Variants in OSBPL10 observed in about 807,000 individuals in gnomAD.
OSBPL10 encodes the protein oxysterol-binding protein-related protein 10.
In OSBPL10, 49 loss-of-function variants were observed where a neutral mutation model predicts 81.7. That is an observed-to-expected ratio of 0.60 (90% CI 0.48 to 0.76). The LOEUF is 0.76. OSBPL10 is among the 30% of genes least tolerant of loss of function. The pLI is 0.00. For missense variants in OSBPL10, 923 were observed against 987.8 expected, an observed-to-expected ratio of 0.93 and a Z score of 0.88; for synonymous variants, 419 against 383.6, an observed-to-expected ratio of 1.09 and a Z score of -1.08.
At chr3:32,034,708 A>G (rs553373515) in intron 2 of OSBPL10, among the ~76,000 whole-genome samples, 5 of 152,342 alleles carry the variant, frequency 3.3e-5, no homozygotes, top group African/African-American at 9.6e-5. Flanking sequence ...ATAATCAGTG[A>G]GTCAATGTCA....
intron 1 of OSBPL10, among the ~76,000 whole-genome samples, chr3:31,930,235 G>A (rs1697203858): frequency 6.6e-6 from 1 of 151,928 alleles, no homozygotes. Flanking sequence ...GCCCCTTGAT[G>A]TATGAAAACA....
intron 10 of OSBPL10, among the ~76,000 whole-genome samples, chr3:31,665,893 A>T (rs1264492008): frequency 6.6e-6 from 1 of 152,154 alleles, no homozygotes; most frequent in Non-Finnish European, 1.5e-5. Context: ...TGGCCCCAAG[A>T]GTAGAGGGCA....
intron 4 of OSBPL10, among the ~76,000 whole-genome samples, chr3:31,810,090 C>A (rs1340683712): frequency 1.3e-5 from 2 of 151,956 alleles, no homozygotes; most frequent in Non-Finnish European, 2.9e-5. Flanking sequence ...AGGCTGGTCT[C>A]GAACTCCTGA....
intron 1 of OSBPL10, among the ~76,000 whole-genome samples, chr3:32,053,172 G>A (rs1699682360): frequency 6.6e-6 from 1 of 152,124 alleles, no homozygotes; most frequent in South Asian, 2.1e-4. Flanking sequence ...AGTAAAAGTT[G>A]CTAAGAGTTA....
At position 31,683,893 on chromosome 3, in the gene OSBPL10, G is replaced by A; in HGVS notation, c.1467C>T (p.Cys489=). 6.2e-7 allele frequency: 1 copy of A among 1,614,248 alleles called. No individual in the cohort carries two copies. The highest frequency in any genetic ancestry group is 8.5e-7 in the Non-Finnish European group (1 of 1,180,052). ...CCCTGTCCTTGGGAACTTCCCAGGA[G>A]CAGTGAAATGTCTCGCCTATGATGG... is the stretch of plus-strand genomic sequence containing the variant. The part of the protein sequence containing the change: ...YNPIIGETFH[C]SWEVPKDRVK... Residue 489 remains cysteine (C), a synonymous_variant, in exon 8 of 12, where the codon TGC becomes TGT. Coordinates refer to ENST00000396556, the MANE Select transcript of OSBPL10 (RefSeq NM_017784.5).
At chr3:31,679,899 T>A (rs1174178325) in intron 8 of OSBPL10, among the ~76,000 whole-genome samples, 1 of 152,088 alleles carries the variant, frequency 6.6e-6, no homozygotes, top group African/African-American at 2.4e-5. Flanking sequence ...AACATAAACC[T>A]CCCACAGGGG....
At chr3:31,872,294 G>T (rs1701349121) in intron 3 of OSBPL10, among the ~76,000 whole-genome samples, 2 of 152,192 alleles carry the variant, frequency 1.3e-5, no homozygotes, top group Admixed American at 1.3e-4. Flanking sequence ...TGTGAGGCTA[G>T]ATGTCAGAGC....
At chr3:32,022,906 A>C (rs1699373012) in intron 2 of OSBPL10, among the ~76,000 whole-genome samples, 1 of 152,144 alleles carries the variant, frequency 6.6e-6, no homozygotes, top group East Asian at 1.9e-4. Flanking sequence ...AGACATCTAA[A>C]ACAAATAGCG....
chr3:31,833,951 T>C (rs1311609343), intron 3 of OSBPL10, among the ~76,000 whole-genome samples: 7 of 152,186 alleles, frequency 4.6e-5, no homozygotes, highest in Non-Finnish European at 8.8e-5. Context: ...AGCAGTAACT[T>C]TGAGTCAAAA....
In OSBPL10 at chr3:31,835,927, G is replaced by A. The variant is rs187966339; in HGVS notation, c.538-5696C>T. 1.6e-3 allele frequency among the ~76,000 whole-genome samples: 246 copies of A among 152,250 alleles called. 1 individual carries two copies. Among genetic ancestry groups the A allele is most frequent in the Admixed American group, 2.7e-3 (42 of 15,290 alleles). The stretch of plus-strand genomic sequence containing the variant: ...TTCACTTTCCTGATAGTCAACCTCC[G>A]AATAAAATGTGAACTGCTTTTTAAA... On this transcript the variant is annotated intron_variant, in intron 3 of 11. Coordinates refer to ENST00000396556, the MANE Select transcript of OSBPL10 (RefSeq NM_017784.5).
intron 1 of OSBPL10, among the ~76,000 whole-genome samples, chr3:31,886,916 G>A (rs563890714): frequency 3.3e-5 from 5 of 151,378 alleles, no homozygotes; most frequent in African/African-American, 1.2e-4. Flanking sequence ...TCCAGCCTGG[G>A]TGACAGAGTG....
chr3:32,042,173 A>G (rs1398236657), intron 2 of OSBPL10, among the ~76,000 whole-genome samples: 1 of 152,202 alleles, frequency 6.6e-6, no homozygotes, highest in African/African-American at 2.4e-5. Context: ...GCCACCAGAC[A>G]TGTGAATGAA....
At chr3:31,719,486 T>C (rs568461499) in intron 6 of OSBPL10, among the ~76,000 whole-genome samples, 84 of 152,200 alleles carry the variant, frequency 5.5e-4, no homozygotes, top group African/African-American at 1.9e-3. Flanking sequence ...ACTTCATACA[T>C]AATTATAAAA....
chr3:31,944,784 T>C (rs929524345), intron 1 of OSBPL10, among the ~76,000 whole-genome samples: 6 of 140,126 alleles, frequency 4.3e-5, no homozygotes, highest in Non-Finnish European at 9.0e-5. Flanking sequence ...TGAGCTATGA[T>C]TGCACCACTA....
In OSBPL10 at chr3:31,989,065, G is replaced by A. The variant is rs1698984389; in HGVS notation, n.298+57426C>T. The A allele has an allele frequency of 3.7e-6, 6 of 1,613,884 alleles. No homozygotes were observed. In the South Asian group the frequency reaches 4.4e-5, roughly 12 times the overall value. ...GTGAAGGTCACACTGCAGCACTATTGATTTCTAAAGACTCATGTTACGTGA... is the reference window on the plus strand; with the variant it reads ...GTGAAGGTCACACTGCAGCACTATTAATTTCTAAAGACTCATGTTACGTGA... On this transcript the variant is annotated intron_variant and non_coding_transcript_variant, in intron 2 of 3. Coordinates refer to the OSBPL10 transcript ENST00000479173.
intron 1 of OSBPL10, among the ~76,000 whole-genome samples, chr3:32,075,653 G>A (rs905848801): frequency 3.9e-5 from 6 of 152,006 alleles, no homozygotes; most frequent in African/African-American, 1.4e-4. Flanking sequence ...CCCTAATCCC[G>A]CTTGAAGCAG....
At chr3:31,850,555 G>A (rs1297765393) in intron 3 of OSBPL10, among the ~76,000 whole-genome samples, 2 of 152,060 alleles carry the variant, frequency 1.3e-5, no homozygotes, top group African/African-American at 4.8e-5. Context: ...TGTAAAAAAG[G>A]AAACCAAAAT....
At chr3:32,049,563 A>G (rs1484853142) in intron 1 of OSBPL10, among the ~76,000 whole-genome samples, 1 of 152,134 alleles carries the variant, frequency 6.6e-6, no homozygotes, top group Non-Finnish European at 1.5e-5. Flanking sequence ...AATTAGGAAG[A>G]TTAGAATCCT....
intron 1 of OSBPL10, among the ~76,000 whole-genome samples, chr3:31,970,373 A>C (rs1218201563): frequency 1.3e-5 from 2 of 152,148 alleles, no homozygotes; most frequent in African/African-American, 4.8e-5. Context: ...CGGCTGCTGA[A>C]ATTCCAGCCA....
Sources: allele counts gnomAD v4.1 joint callset (sites outside exome capture counted in the v4.1 genomes callset), GRCh38; gene constraint gnomAD v4.1.1; transcripts MANE v1.5; gene names NCBI Gene and HGNC (gene_info 2026-07-23, HGNC 2026-07-21).